The following BMPR1A variants were observed in gnomAD, a reference collection of about 807,000 sequenced individuals.
The protein encoded by BMPR1A is bone morphogenetic protein receptor type-1A.
Under a neutral mutation model 66.0 loss-of-function variants are expected in BMPR1A, and 7 were observed. The ratio of observed to expected loss-of-function variants is 0.11; its 90% CI spans 0.06 to 0.20. BMPR1A has a LOEUF of 0.20. BMPR1A is among the 10% of genes least tolerant of loss of function. BMPR1A has a pLI of 1.00. For synonymous variants in BMPR1A, 200 were observed against 229.7 expected, an observed-to-expected ratio of 0.87 and a Z score of 1.17; for missense variants, 408 against 669.1, an observed-to-expected ratio of 0.61 and a Z score of 4.31.
intron 2 of BMPR1A, among the ~76,000 whole-genome samples, chr10:86,860,430 T>C (rs905746727): frequency 1.3e-5 from 2 of 152,106 alleles, no homozygotes; most frequent in Admixed American, 1.3e-4. Context: ...GTGTTTAAAC[T>C]AGAAATCCCA....
At chr10:86,800,583 G>A (rs1455082693) in intron 1 of BMPR1A, among the ~76,000 whole-genome samples, 1 of 152,088 alleles carries the variant, frequency 6.6e-6, no homozygotes, top group Non-Finnish European at 1.5e-5. Flanking sequence ...AGTAGAGACG[G>A]GATTTCACCA....
Position 86,893,787 on chromosome 10 carries a change from C to CAAA in BMPR1A, c.333+1568_333+1570dup, listed in dbSNP as rs57732446. On this transcript the variant is annotated intron_variant, in intron 5 of 12. Coordinates refer to ENST00000372037, the MANE Select transcript of BMPR1A (RefSeq NM_004329.3). Reference sequence around the variant, plus strand: ...TGGGCAACAGAGCGAGACTCTGTCTCAAAAAAAAAAAAGAAAAGAAATTCT... The same window carrying CAAA: ...TGGGCAACAGAGCGAGACTCTGTCTCAAAAAAAAAAAAAAAGAAAAGAAATTCT... Among the ~76,000 whole-genome samples, 26 of 133,518 alleles carry CAAA rather than the reference C, an allele frequency of 1.9e-4. 1 individual carries two copies. Among genetic ancestry groups the CAAA allele is most frequent in the Admixed American group, 6.7e-4 (9 of 13,462 alleles). The allele number at this position is 133,518 out of a possible 152,430, so 87.6% of individuals were successfully genotyped here.
chr10:86,797,247 T>TTTTTTTG (rs1372738374), intron 1 of BMPR1A, among the ~76,000 whole-genome samples: 1 of 124,966 alleles, frequency 8.0e-6, no homozygotes, highest in Non-Finnish European at 1.7e-5. Context: ...TTTTTTTTTT[T>TTTTTTTG]TGAGACGGAG....
intron 1 of BMPR1A, among the ~76,000 whole-genome samples, chr10:86,781,018 A>G (rs935629295): frequency 2.0e-5 from 3 of 151,932 alleles, no homozygotes; most frequent in Non-Finnish European, 2.9e-5. Context: ...CAGTTTTAAT[A>G]TATTTCTTTA....
chr10:86,847,607 TGGGAGGCCAAGGTGG>T (rs1470509720), intron 2 of BMPR1A, among the ~76,000 whole-genome samples: 2 of 152,090 alleles, frequency 1.3e-5, no homozygotes, highest in African/African-American at 4.8e-5. Context: ...GCCAACACTC[TGGGAGGCCAAGGTGG>T]GAGGATTGCT....
At chr10:86,874,993 G>T (rs113366127) in intron 2 of BMPR1A, among the ~76,000 whole-genome samples, 2,513 of 151,560 alleles carry the variant, frequency 0.017, 74 homozygotes, top group African/African-American at 0.058. Flanking sequence ...GCCTCCCAAA[G>T]TGCTGGGATT....
At chr10:86,922,809 A>G (rs1000302288) in intron 11 of BMPR1A, among the ~76,000 whole-genome samples, 9 of 152,356 alleles carry the variant, frequency 5.9e-5, no homozygotes, top group Admixed American at 1.3e-4. Flanking sequence ...TGCAGTACAC[A>G]CCACATTGTT....
intron 2 of BMPR1A, among the ~76,000 whole-genome samples, chr10:86,862,776 C>T (rs1026180168): frequency 2.0e-5 from 3 of 150,222 alleles, no homozygotes; most frequent in Non-Finnish European, 4.4e-5. Context: ...ATCAGTGTAG[C>T]GATATTCTAA....
At chr10:86,836,550 C>T (rs920596339) in intron 1 of BMPR1A, among the ~76,000 whole-genome samples, 5 of 152,118 alleles carry the variant, frequency 3.3e-5, no homozygotes, top group African/African-American at 1.2e-4. Context: ...GTAATCTAAG[C>T]ACTTTGGGAG....
At chr10:86,780,623 C>T (rs1018528256) in intron 1 of BMPR1A, among the ~76,000 whole-genome samples, 8 of 151,858 alleles carry the variant, frequency 5.3e-5, no homozygotes, top group South Asian at 2.1e-4. Context: ...TTAGTGGAGA[C>T]GGGGTTTCAC....
intron 1 of BMPR1A, among the ~76,000 whole-genome samples, chr10:86,820,518 A>G (rs531837713): frequency 6.6e-6 from 1 of 152,092 alleles, no homozygotes; most frequent in East Asian, 1.9e-4. Flanking sequence ...TCTAAGGCTC[A>G]GTCCTTATCG....
At chr10:86,866,031 A>C (rs1048828296) in intron 2 of BMPR1A, among the ~76,000 whole-genome samples, 3 of 152,146 alleles carry the variant, frequency 2.0e-5, no homozygotes, top group Non-Finnish European at 4.4e-5. Flanking sequence ...ATTGAATGCC[A>C]GTGGCATTCA....
At chr10:86,789,053 A>G (rs1481006485) in intron 1 of BMPR1A, among the ~76,000 whole-genome samples, 1 of 152,162 alleles carries the variant, frequency 6.6e-6, no homozygotes, top group African/African-American at 2.4e-5. Flanking sequence ...CAATTCTAAG[A>G]CACCAATGGA....
chr10:86,788,434 G>A (rs1841549289), intron 1 of BMPR1A, among the ~76,000 whole-genome samples: 1 of 152,110 alleles, frequency 6.6e-6, no homozygotes, highest in Admixed American at 6.6e-5. Flanking sequence ...TAAGTTTAGG[G>A]GGCAGTAGTG....
intron 1 of BMPR1A, among the ~76,000 whole-genome samples, chr10:86,772,333 T>C (rs900152446): frequency 1.3e-5 from 2 of 151,922 alleles, no homozygotes; most frequent in Non-Finnish European, 1.5e-5. Flanking sequence ...GGTTTCACCG[T>C]GTTAGCCAGG....
chr10:86,899,725 G>T, intron 5 of BMPR1A, 69 bp from the exon 6 acceptor site: 3 of 1,456,450 alleles, frequency 2.1e-6, no homozygotes, highest in South Asian at 1.2e-5. Context: ...TGTATTTTAT[G>T]AATACTAAAA....
At chr10:86,808,115 T>C (rs1841917853) in intron 1 of BMPR1A, among the ~76,000 whole-genome samples, 1 of 152,238 alleles carries the variant, frequency 6.6e-6, no homozygotes, top group African/African-American at 2.4e-5. Flanking sequence ...GGATTATCTA[T>C]ATCTTCTTGT....
At chr10:86,846,894 ATAC>A (rs1479616547) in intron 2 of BMPR1A, among the ~76,000 whole-genome samples, 3 of 152,068 alleles carry the variant, frequency 2.0e-5, no homozygotes, top group African/African-American at 7.2e-5. Flanking sequence ...AGTTTTAAAG[ATAC>A]TATTATTTTT....
intron 7 of BMPR1A, among the ~76,000 whole-genome samples, chr10:86,908,861 A>G (rs549068187): frequency 6.6e-6 from 1 of 152,188 alleles, no homozygotes; most frequent in South Asian, 2.1e-4. Flanking sequence ...TCCTATGCCC[A>G]CAAGGAGAGA....
Sources: allele counts gnomAD v4.1 joint callset (sites outside exome capture counted in the v4.1 genomes callset), GRCh38; gene constraint gnomAD v4.1.1; transcripts MANE v1.5; gene names NCBI Gene and HGNC (gene_info 2026-07-23, HGNC 2026-07-21).